The following TCF12 variants were observed in gnomAD, a reference collection of about 807,000 sequenced individuals.
TCF12 encodes transcription factor 12.
Under a neutral mutation model 86.0 loss-of-function variants are expected in TCF12, and 45 were observed. The ratio of observed to expected loss-of-function variants is 0.52; its 90% CI spans 0.41 to 0.67. The LOEUF is 0.67. TCF12 is among the 30% of genes least tolerant of loss of function. The probability of loss-of-function intolerance (pLI) is 0.00; values close to 1 mark genes in which losing one functional copy is unlikely to be tolerated. For missense variants in TCF12, 881 were observed against 859.9 expected (o/e 1.02, Z -0.31); for synonymous variants, 330 against 299.6 (o/e 1.10, Z -1.05).
intron 3 of TCF12, among the ~76,000 whole-genome samples, chr15:56,968,191 A>T (rs2140688424): frequency 6.6e-6 from 1 of 152,268 alleles, no homozygotes; most frequent in East Asian, 1.9e-4. Context: ...TCCTGACCTC[A>T]GGTGATCCAC....
At chr15:57,008,831 A>G (rs1161486035) in intron 3 of TCF12, among the ~76,000 whole-genome samples, 1 of 152,144 alleles carries the variant, frequency 6.6e-6, no homozygotes, top group African/African-American at 2.4e-5. Flanking sequence ...AGATAATGCA[A>G]AATTGCAATA....
At position 57,266,884 on chromosome 15, in the gene TCF12, C is replaced by T. The variant is rs377255067; in HGVS notation, c.1745+3610C>T. On this transcript the variant is annotated intron_variant, in intron 18 of 20. Coordinates refer to ENST00000333725, the MANE Select transcript of TCF12 (RefSeq NM_207037.2). The stretch of plus-strand genomic sequence containing the variant: ...AGATTCTGTCTCTACAAAAAATTAG[C>T]GGGGCATGGTGGCAAACACCCGTAG... Among the ~76,000 whole-genome samples, 32 of 152,064 alleles carry T rather than the reference C, an allele frequency of 2.1e-4. 1 individual carries two copies. The highest frequency in any genetic ancestry group is 1.7e-3 in the East Asian group (9 of 5,186).
At chr15:56,930,542 C>G (rs1050835067) in intron 3 of TCF12, among the ~76,000 whole-genome samples, 78 of 152,120 alleles carry the variant, frequency 5.1e-4, no homozygotes, top group African/African-American at 1.7e-3. Flanking sequence ...TAGTGTTATT[C>G]TCAGTTGGGA....
chr15:57,026,627 C>T (rs539315628), intron 3 of TCF12, among the ~76,000 whole-genome samples: 15 of 152,176 alleles, frequency 9.9e-5, no homozygotes, highest in African/African-American at 3.6e-4. Flanking sequence ...TATGACTCTG[C>T]TTATTTTTTA....
chr15:57,198,775 G>T (rs1252396531), intron 8 of TCF12, among the ~76,000 whole-genome samples: 2 of 152,040 alleles, frequency 1.3e-5, no homozygotes, highest in Non-Finnish European at 2.9e-5. Flanking sequence ...ACCCATGGGC[G>T]CAGGTGCCGC....
chr15:57,105,938 A>C (rs1047245725), intron 5 of TCF12, among the ~76,000 whole-genome samples: 1 of 152,216 alleles, frequency 6.6e-6, no homozygotes, highest in Non-Finnish European at 1.5e-5. Flanking sequence ...TACTGTCAGC[A>C]TAGGGATAAA....
Position 56,943,042 on chromosome 15 carries a change from A to G in TCF12, c.148+21944A>G, listed in dbSNP as rs975098203. Among the ~76,000 whole-genome samples the G allele has an allele frequency of 4.6e-5, 7 of 152,356 alleles. No homozygotes were observed. The South Asian group carries it at 1.0e-3, about 23-fold the overall frequency. ...TGGAAGGATATTTGGTGAGAAACAC[A>G]GTCATTCCTTCCTATACCTTATTCC... is the stretch of plus-strand genomic sequence containing the variant. On this transcript the variant is annotated intron_variant, in intron 3 of 20. Transcript: ENST00000333725.
At position 57,166,316 on chromosome 15, in the gene TCF12, A is replaced by C. The variant is rs1299825721; in HGVS notation, c.326-86A>C. ...TTGTTCTTTCTATTTTAAAACTGCA[A>C]TATAATTACCATGAATAGTCTAGCA... On this transcript the variant is annotated intron_variant, in intron 5 of 20. Transcript: ENST00000333725. 7.3e-6 allele frequency: 8 copies of C among 1,100,976 alleles called. No homozygotes were observed. In the Admixed American group the frequency reaches 1.6e-4, roughly 22 times the overall value. The allele number at this position is 1,100,976 out of a possible 1,614,324, so 68.2% of individuals were successfully genotyped here.
At chr15:56,953,792 T>G (rs193137132) in intron 3 of TCF12, among the ~76,000 whole-genome samples, 6 of 151,970 alleles carry the variant, frequency 3.9e-5, no homozygotes, top group African/African-American at 1.4e-4. Context: ...AATGGATTGT[T>G]TCTTCTTTTC....
At chr15:57,284,245 C>A (rs1300690570) in intron 20 of TCF12, among the ~76,000 whole-genome samples, 1 of 152,010 alleles carries the variant, frequency 6.6e-6, no homozygotes, top group Non-Finnish European at 1.5e-5. Context: ...GACTCTGTCG[C>A]CTGAGCTGGA....
chr15:56,996,294 A>C (rs568020487), intron 3 of TCF12, among the ~76,000 whole-genome samples: 1 of 152,114 alleles, frequency 6.6e-6, no homozygotes, highest in South Asian at 2.1e-4. Context: ...TGGTCTTGGC[A>C]CAAAAAAAGA....
chr15:56,972,055 G>A (rs2062362350), intron 3 of TCF12, among the ~76,000 whole-genome samples: 1 of 152,160 alleles, frequency 6.6e-6, no homozygotes, highest in South Asian at 2.1e-4. Flanking sequence ...ATTTTAAATA[G>A]GTGAATTATA....
At chr15:56,918,172 G>C (rs1397679980), upstream of TCF12, 2 of 455,866 alleles carry the variant, frequency 4.4e-6, no homozygotes, top group African/African-American at 4.0e-5. Context: ...GGGAGCCTCT[G>C]GGCCCAGCTT....
In TCF12 at chr15:57,163,891, A is replaced by C. The variant is rs539998310; in HGVS notation, c.326-2511A>C. Among the ~76,000 whole-genome samples, 69 of 152,344 alleles carry C rather than the reference A, an allele frequency of 4.5e-4. 2 individuals are homozygous for C. In the South Asian group the frequency reaches 0.014, roughly 32 times the overall value. The stretch of plus-strand genomic sequence containing the variant: ...GCCAACTTAGAATGACTGGCATAGA[A>C]GGAATTACTGAAACTCAGGGAAGGT... On this transcript the variant is annotated intron_variant, in intron 5 of 20. Transcript: ENST00000333725.
intron 13 of TCF12, among the ~76,000 whole-genome samples, chr15:57,250,586 T>A (rs1421028241): frequency 6.6e-6 from 1 of 151,880 alleles, no homozygotes; most frequent in Non-Finnish European, 1.5e-5. Context: ...AAAATTAGCT[T>A]GGCGTGGTGG....
At chr15:57,255,018 C>T (rs1397549903) in intron 16 of TCF12, among the ~76,000 whole-genome samples, 1 of 151,924 alleles carries the variant, frequency 6.6e-6, no homozygotes, top group Admixed American at 6.6e-5. Flanking sequence ...ACTATTTATC[C>T]TTATTTAGAA....
At position 57,240,399 on chromosome 15, in the gene TCF12, G is replaced by T. The variant is rs74454953; in HGVS notation, c.1036-3073G>T. Among the ~76,000 whole-genome samples the T allele has an allele frequency of 3.2e-3, 483 of 152,292 alleles. 4 individuals are homozygous for T. The highest frequency in any genetic ancestry group is 5.3e-3 in the Non-Finnish European group (363 of 68,028). The stretch of plus-strand genomic sequence containing the variant: ...CAGAAAATGCTGCTTCATGAGTTGG[G>T]CTAGTTGACAGTTTTGCATAGAACT... On this transcript the variant is annotated intron_variant, in intron 12 of 20. Coordinates refer to ENST00000333725, the MANE Select transcript of TCF12 (RefSeq NM_207037.2).
At chr15:57,184,468 T>C (rs546334232) in intron 6 of TCF12, among the ~76,000 whole-genome samples, 2 of 152,246 alleles carry the variant, frequency 1.3e-5, no homozygotes, top group East Asian at 3.9e-4. Context: ...TCTGATATAT[T>C]TGTTTGTGTG....
intron 5 of TCF12, among the ~76,000 whole-genome samples, chr15:57,108,110 A>G (rs2050253298): frequency 6.6e-6 from 1 of 152,210 alleles, no homozygotes; most frequent in African/African-American, 2.4e-5. Context: ...AGGAAATGGG[A>G]AGCATCAAAG....
Sources: gnomAD v4.1 joint callset for allele counts (sites outside exome capture counted in the v4.1 genomes callset) on GRCh38, gnomAD v4.1.1 for gene constraint, MANE v1.5 for transcripts, NCBI Gene and HGNC (gene_info 2026-07-23, HGNC 2026-07-21) for gene names.